Variants in DGLUCY observed in about 807,000 individuals in gnomAD.
DGLUCY encodes D-glutamate cyclase, mitochondrial.
A neutral mutation model predicts 58.5 loss-of-function variants in DGLUCY; 58 were observed. That is an observed-to-expected ratio of 0.99 (90% confidence interval 0.80 to 1.23). DGLUCY has a LOEUF of 1.23. DGLUCY is among the 50% of genes most tolerant of loss of function. The pLI is 0.00. For missense variants in DGLUCY, 779 were observed against 784.7 expected, an observed-to-expected ratio of 0.99 and a Z score of 0.09; for synonymous variants, 325 against 314.1, an observed-to-expected ratio of 1.03 and a Z score of -0.37.
intron 1 of DGLUCY, among the ~76,000 whole-genome samples, chr14:91,064,732 A>C (rs1460951747): frequency 1.3e-5 from 2 of 152,104 alleles, no homozygotes; most frequent in Non-Finnish European, 2.9e-5. Flanking sequence ...AAGTATTTCC[A>C]GAAGAAGGGA....
intron 1 of DGLUCY, among the ~76,000 whole-genome samples, chr14:91,157,243 ATGGATGGATGGATGAATGAATGGG>A (rs2047706039): frequency 9.8e-6 from 1 of 102,030 alleles, no homozygotes. Flanking sequence ...GGATGGATGG[ATGGATGGATGGATGAATGAATGGG>A]TGGATGGATG....
At chr14:91,137,392 C>T (rs1395739648) in intron 1 of DGLUCY, among the ~76,000 whole-genome samples, 1 of 144,442 alleles carries the variant, frequency 6.9e-6, no homozygotes, top group African/African-American at 2.5e-5. Flanking sequence ...AATTTCTTTT[C>T]TTTTTTTTTT....
upstream of DGLUCY, among the ~76,000 whole-genome samples, chr14:91,109,521 G>C (rs535890547): frequency 6.6e-6 from 1 of 152,254 alleles, no homozygotes; most frequent in East Asian, 1.9e-4. Context: ...TTTCATCAGC[G>C]GTAGTTAGTG....
At chr14:91,096,115 T>G (rs1437645448) in intron 1 of DGLUCY, among the ~76,000 whole-genome samples, 2 of 152,130 alleles carry the variant, frequency 1.3e-5, no homozygotes, top group Non-Finnish European at 2.9e-5. Context: ...TCTCCTCACT[T>G]TGTATTGCAC....
chr14:91,094,570 A>G (rs932496427), intron 1 of DGLUCY, among the ~76,000 whole-genome samples: 1 of 150,206 alleles, frequency 6.7e-6, no homozygotes, highest in Non-Finnish European at 1.5e-5. Context: ...GTCAGGCGCA[A>G]TGGCTCACTC....
At chr14:91,185,269 G>A (rs915349069) in intron 8 of DGLUCY, among the ~76,000 whole-genome samples, 2 of 103,362 alleles carry the variant, frequency 1.9e-5, no homozygotes, top group African/African-American at 7.6e-5. Flanking sequence ...GTGCCCAGCC[G>A]GATTTTTTTT....
At chr14:91,186,854 A>G (rs2049553026) in intron 8 of DGLUCY, among the ~76,000 whole-genome samples, 1 of 151,074 alleles carries the variant, frequency 6.6e-6, no homozygotes, top group Non-Finnish European at 1.5e-5. Context: ...CCCATTCTCC[A>G]TGTGGGAAAA....
At chr14:91,163,756 A>T (rs2048121795) in intron 3 of DGLUCY, among the ~76,000 whole-genome samples, 1 of 152,130 alleles carries the variant, frequency 6.6e-6, no homozygotes, top group Non-Finnish European at 1.5e-5. Context: ...AAGTCATTTC[A>T]TCTCTCTGAG....
chr14:91,097,273 G>A (rs558301254), intron 1 of DGLUCY, among the ~76,000 whole-genome samples: 2 of 152,246 alleles, frequency 1.3e-5, no homozygotes, highest in South Asian at 2.1e-4. Context: ...ACACGTGCCT[G>A]TGGTCCCAGC....
chr14:91,176,051 G>C lies in DGLUCY; in HGVS notation c.725G>C (p.Ser242Thr). 1 of 1,613,826 alleles carries C rather than the reference G, an allele frequency of 6.2e-7. No homozygotes were observed. The highest frequency in any genetic ancestry group is 8.5e-7 in the Non-Finnish European group (1 of 1,179,770). The change falls in exon 7 of 14, where the codon AGC (serine) becomes ACC (threonine). Residue 242 changes from serine (S) to threonine (T), a missense_variant. Physicochemically the swap from Ser to Thr is moderately conservative, Grantham distance 58. Transcript: ENST00000256324. ...CTGACCAGTCTCGGAGCTGTCAGCA[G>C]CTGTGGTACGTTGGGGGATAATGGG... ...SPLTSLGAVS[S>T]CETPLAFASI... is the part of the protein sequence containing the mutation.
At chr14:91,218,229 A>G (rs1360551086) in intron 13 of DGLUCY, among the ~76,000 whole-genome samples, 1 of 152,150 alleles carries the variant, frequency 6.6e-6, no homozygotes, top group Non-Finnish European at 1.5e-5. Flanking sequence ...GGAAAAAAAC[A>G]TGCAAGGGCT....
At chr14:91,162,795 G>A (rs1300878054) in intron 3 of DGLUCY, among the ~76,000 whole-genome samples, 6 of 152,026 alleles carry the variant, frequency 3.9e-5, no homozygotes, top group Non-Finnish European at 8.8e-5. Flanking sequence ...TACTTGGGAT[G>A]CTGAGGCAGG....
chr14:91,175,122 C>G (rs2048786755), intron 6 of DGLUCY, among the ~76,000 whole-genome samples: 1 of 152,144 alleles, frequency 6.6e-6, no homozygotes, highest in South Asian at 2.1e-4. Context: ...GAGCTCGAAG[C>G]AACGTCTAAT....
intron 1 of DGLUCY, among the ~76,000 whole-genome samples, chr14:91,092,657 G>C (rs1204156057): frequency 6.6e-6 from 1 of 152,220 alleles, no homozygotes; most frequent in Non-Finnish European, 1.5e-5. Flanking sequence ...ACTCCTTGCT[G>C]TAACGGTATA....
intron 1 of DGLUCY, among the ~76,000 whole-genome samples, chr14:91,123,022 C>T (rs181015666): frequency 6.2e-4 from 94 of 152,258 alleles, no homozygotes; most frequent in African/African-American, 2.1e-3. Context: ...CCCTGTCTTT[C>T]GAGGACTTAG....
intron 3 of DGLUCY, among the ~76,000 whole-genome samples, chr14:91,166,279 T>G (rs1158405966): frequency 6.6e-6 from 1 of 152,186 alleles, no homozygotes; most frequent in African/African-American, 2.4e-5. Flanking sequence ...TGAGTGGGGC[T>G]CTGCAATTAG....
intron 1 of DGLUCY, among the ~76,000 whole-genome samples, chr14:91,108,524 T>TGAGA (rs1311616533): frequency 1.4e-3 from 57 of 40,576 alleles, no homozygotes; most frequent in East Asian, 0.013. Context: ...TGTGTGTGTG[T>TGAGA]GTGAGAGAGA....
At chr14:91,176,188 C>T (rs1034607969) in intron 7 of DGLUCY, 132 bp downstream of exon 7, 3 of 1,066,608 alleles carry the variant, frequency 2.8e-6, no homozygotes, top group African/African-American at 3.2e-5. Context: ...AAACAGAGGC[C>T]TACAGCTACA....
chr14:91,076,117 A>AC (rs1367343525), intron 1 of DGLUCY, among the ~76,000 whole-genome samples: 1 of 151,982 alleles, frequency 6.6e-6, no homozygotes, highest in Non-Finnish European at 1.5e-5. Context: ...TGTCTCAAAA[A>AC]AAAAAAAAAA....
Sources: gnomAD v4.1 joint callset for allele counts (sites outside exome capture counted in the v4.1 genomes callset) on GRCh38, gnomAD v4.1.1 for gene constraint, MANE v1.5 for transcripts, NCBI Gene and HGNC (gene_info 2026-07-23, HGNC 2026-07-21) for gene names.